MBTD1: variants seen among roughly 807,000 people sequenced by gnomAD.
MBTD1 encodes the protein MBT domain-containing protein 1.
MBTD1 carries 24 observed loss-of-function variants against 87.8 expected under a neutral mutation model. The ratio of observed to expected loss-of-function variants is 0.27; its 90% confidence interval spans 0.20 to 0.38. MBTD1 has a LOEUF of 0.38. Ranked by LOEUF, MBTD1 falls within the 10% of genes least tolerant of loss-of-function variation. The pLI, the probability that MBTD1 is intolerant of heterozygous loss-of-function variation, is 1.00. For missense variants in MBTD1, 436 were observed against 760.2 expected (o/e 0.57, Z 5.02); for synonymous variants, 237 against 248.6 (o/e 0.95, Z 0.44).
chr17:51,243,446 A>C (rs1015164691), intron 2 of MBTD1, among the ~76,000 whole-genome samples: 1 of 152,184 alleles, frequency 6.6e-6, no homozygotes, highest in Non-Finnish European at 1.5e-5. Context: ...AGATTTTCTG[A>C]ATAATTTGAA....
Position 51,179,258 on chromosome 17 carries a change from TGA to T in MBTD1, c.*1316_*1317del, listed in dbSNP as rs749415570. On this transcript the variant is annotated 3_prime_UTR_variant, in exon 17 of 17. Transcript: ENST00000586178. Reference sequence around the variant, plus strand: ...TTCTAGAACAGATGCAATTAATTCCTGAGAGTTTAGTTTATGAACCTCACTGG... The same window carrying T: ...TTCTAGAACAGATGCAATTAATTCCTGAGTTTAGTTTATGAACCTCACTGG... 1.3e-5 allele frequency: 2 copies of T among 151,782 alleles called. No individual in the cohort carries two copies. Among genetic ancestry groups the T allele is most frequent in the African/African-American group, 2.4e-5 (1 of 41,334 alleles). The allele number at this position is 151,782 out of a possible 1,614,324, so 9.4% of individuals were successfully genotyped here. A position where few individuals can be genotyped will look rare whatever the true frequency, so the allele number is the denominator to read the frequency against.
chr17:51,193,106 C>G, intron 14 of MBTD1, 90 bp from the exon 15 acceptor site: 1 of 796,266 alleles, frequency 1.3e-6, no homozygotes, highest in Non-Finnish European at 2.1e-6. Flanking sequence ...ACAGAAGCGA[C>G]TAGCTAAATA....
chr17:51,181,021 CTTTTTT>C (rs57226972), intron 16 of MBTD1, among the ~76,000 whole-genome samples: 2 of 122,734 alleles, frequency 1.6e-5, no homozygotes, highest in East Asian at 4.6e-4. Flanking sequence ...GAAGTACAAT[CTTTTTT>C]TTTTTTTTTT....
At chr17:51,182,961 A>AT (rs893396673) in intron 16 of MBTD1, among the ~76,000 whole-genome samples, 2 of 151,786 alleles carry the variant, frequency 1.3e-5, no homozygotes, top group South Asian at 2.1e-4. Context: ...TCATGTCTTT[A>AT]TTTTTTTAGT....
rs1478593312 is a variant in MBTD1, at chr17:51,203,142, T to C, written c.826A>G (p.Lys276Glu). The change falls in exon 9 of 17, where the codon AAG becomes GAG. Residue 276 changes from lysine to glutamate, a missense_variant and splice_region_variant. Around this residue, in one of 5 missense-constraint regions of MBTD1, gnomAD observed 268 missense variants for 401.8 expected, o/e 0.67. Transcript: ENST00000586178. ...CTTTATAAGATCCTGTTTTTTACCT[T>C]TTGGGAGAAATCAGGAGGCAGTGTT... is the stretch of plus-strand genomic sequence containing the variant. ...AKTLPPDFSQ[K>E]VSESMQYPFK... The C allele has an allele frequency of 1.1e-5, 17 of 1,597,300 alleles. No individual in the cohort carries two copies. The highest frequency in any genetic ancestry group is 1.4e-5 in the Non-Finnish European group (17 of 1,174,826).
rs1045009749 is a variant in MBTD1, at chr17:51,246,055, G to C, written c.-49+13088C>G. Among the ~76,000 whole-genome samples, 4 of 152,264 alleles carry C rather than the reference G, an allele frequency of 2.6e-5. No individual in the cohort carries two copies. In the East Asian group the frequency reaches 7.7e-4, roughly 29 times the overall value. ...CTGCTTCACATAGGTTTTTAACAAC[G>C]TTTTTAAGGAAGTAAATCCTTAGGA... is the stretch of plus-strand genomic sequence containing the variant. On this transcript the variant is annotated intron_variant, in intron 2 of 16. Coordinates refer to ENST00000586178, the MANE Select transcript of MBTD1 (RefSeq NM_017643.3).
At chr17:51,257,907 T>C (rs980256782) in intron 2 of MBTD1, among the ~76,000 whole-genome samples, 4 of 152,060 alleles carry the variant, frequency 2.6e-5, no homozygotes, top group Non-Finnish European at 4.4e-5. Context: ...TAAATACTTA[T>C]TCAAGACAGA....
intron 3 of MBTD1, among the ~76,000 whole-genome samples, chr17:51,223,540 C>A (rs769753913): frequency 1.3e-5 from 2 of 150,574 alleles, no homozygotes; most frequent in Non-Finnish European, 3.0e-5. Context: ...GTCTCAACAA[C>A]AACAACAACA....
intron 12 of MBTD1, among the ~76,000 whole-genome samples, chr17:51,195,766 C>T (rs895552067): frequency 2.6e-5 from 4 of 152,210 alleles, no homozygotes; most frequent in Non-Finnish European, 5.9e-5. Flanking sequence ...TTTTTACAAA[C>T]GGTCTCTACC....
At chr17:51,200,399 A>AAAC (rs537702571) in intron 12 of MBTD1, among the ~76,000 whole-genome samples, 1 of 151,596 alleles carries the variant, frequency 6.6e-6, no homozygotes, top group Admixed American at 6.6e-5. Flanking sequence ...ATTGCTAAGA[A>AAAC]AACAACAACA....
chr17:51,213,771 G>C lies in MBTD1; in HGVS notation c.486+3563C>G, dbSNP rs539515909. Among the ~76,000 whole-genome samples the C allele has an allele frequency of 4.6e-5, 7 of 152,184 alleles. No individual in the cohort carries two copies. The South Asian group carries it at 1.2e-3, about 27-fold the overall frequency. On this transcript the variant is annotated intron_variant, in intron 6 of 16. Coordinates refer to ENST00000586178, the MANE Select transcript of MBTD1 (RefSeq NM_017643.3). ...CAGCCTCAGGAACTGCCAACGATGG[G>C]GTGTTCAAATGTCAGGAGCCAAGGC...
chr17:51,256,368 T>C (rs767755395), intron 2 of MBTD1: 6 of 152,196 alleles, frequency 3.9e-5, no homozygotes, highest in African/African-American at 1.4e-4. Flanking sequence ...TCTACTAGAC[T>C]AAATTCTAAA....
At chr17:51,258,863 TC>T (rs2055257342) in intron 2 of MBTD1, among the ~76,000 whole-genome samples, 2 of 152,216 alleles carry the variant, frequency 1.3e-5, no homozygotes, top group South Asian at 2.1e-4. Flanking sequence ...AGCAAAGTTT[TC>T]GGCTAGCCCT....
At chr17:51,218,529 C>CAAA (rs58563366) in intron 5 of MBTD1, among the ~76,000 whole-genome samples, 88 of 110,666 alleles carry the variant, frequency 8.0e-4, no homozygotes, top group African/African-American at 2.9e-3. Flanking sequence ...ACTCTGTCTC[C>CAAA]AAAAAAAAAA....
In MBTD1 at chr17:51,202,747, A is replaced by C; in HGVS notation, c.1017T>G (p.His339Gln). ...CTATGCTTCGAGACCAACCAATATG[A>C]TGTATTAATGGGCTGTGCATATGGC... ...FWCHMHSPLI[H>Q]HIGWSRSIGH... Residue 339 changes from histidine (H) to glutamine (Q), a missense_variant, in exon 10 of 17, where the codon CAT becomes CAG. Transcript: ENST00000586178. 6.2e-7 allele frequency: 1 copy of C among 1,614,108 alleles called. No homozygotes were observed. The highest frequency in any genetic ancestry group is 8.5e-7 in the Non-Finnish European group (1 of 1,180,002).
At chr17:51,192,005 A>T in intron 16 of MBTD1, 198 bp downstream of exon 16, 1 of 578,550 alleles carries the variant, frequency 1.7e-6, no homozygotes, top group Non-Finnish European at 3.0e-6. Context: ...CTGTGGTAAT[A>T]ATTTCTCCTG....
At chr17:51,246,550 T>C (rs893783840) in intron 2 of MBTD1, among the ~76,000 whole-genome samples, 3 of 152,228 alleles carry the variant, frequency 2.0e-5, no homozygotes, top group African/African-American at 4.8e-5. Context: ...TGTTTGAAGG[T>C]AGTTTTGTCA....
intron 12 of MBTD1, 128 bp downstream of exon 12, chr17:51,201,464 C>A (rs1206430776): frequency 3.9e-6 from 2 of 512,964 alleles, no homozygotes; most frequent in Non-Finnish European, 3.4e-6. Flanking sequence ...TTCCTAGCAA[C>A]CTTCTCCCCA....
Position 51,241,780 on chromosome 17 carries a change from G to A in MBTD1, c.-48-16571C>T, listed in dbSNP as rs547125613. 5.9e-5 allele frequency among the ~76,000 whole-genome samples: 9 copies of A among 152,194 alleles called. 1 individual carries two copies. In the South Asian group the frequency reaches 1.7e-3, roughly 28 times the overall value. On this transcript the variant is annotated intron_variant, in intron 2 of 16. Coordinates refer to ENST00000586178, the MANE Select transcript of MBTD1 (RefSeq NM_017643.3). ...CGGGTTTCACCATGTTTGCCAGGCT[G>A]GTTTCGAACTCCTGACTTCAACTGA...
Sources: allele counts gnomAD v4.1 joint callset (sites outside exome capture counted in the v4.1 genomes callset), GRCh38; gene constraint gnomAD v4.1.1; regional missense constraint gnomAD v4.1.1; transcripts MANE v1.5; gene names NCBI Gene and HGNC (gene_info 2026-07-23, HGNC 2026-07-21).